PCDHGA3: variants seen among roughly 807,000 people sequenced by gnomAD.
PCDHGA3 encodes protocadherin gamma-A3.
PCDHGA3 carries 40 observed loss-of-function variants against 58.5 expected under a neutral mutation model. The observed-to-expected ratio is 0.68, with a 90% confidence interval of 0.53 to 0.89. The LOEUF is 0.89. Among genes scored for constraint, PCDHGA3 ranks in the 40% least tolerant of loss-of-function variants. The pLI is 0.00. For synonymous variants in PCDHGA3, 530 were observed against 525.7 expected, an observed-to-expected ratio of 1.01 and a Z score of -0.11; for missense variants, 1,223 against 1,195.9, an observed-to-expected ratio of 1.02 and a Z score of -0.33.
chr5:141,409,483 G>A, intron 1 of PCDHGA3: 1 of 1,613,944 alleles, frequency 6.2e-7, no homozygotes, highest in Non-Finnish European at 8.5e-7. Context: ...CCACTGACAG[G>A]GGCAAGCCGC....
chr5:141,376,210 C>T lies in PCDHGA3; in HGVS notation c.2424+29753C>T, dbSNP rs112869528. On this transcript the variant is annotated intron_variant, in intron 1 of 3. Transcript: ENST00000253812. ...CCTGCGTCTTCCTGGCCTTCGTCAT[C>T]GTGCTGCTGGCGCTCAGACTGCAGC... is the stretch of plus-strand genomic sequence containing the variant. 4,829 of 1,614,162 alleles carry T rather than the reference C, an allele frequency of 3.0e-3. 128 individuals carry two copies. The African/African-American group carries it at 0.055, about 18-fold the overall frequency.
chr5:141,432,476 A>G lies in PCDHGA3; in HGVS notation c.2425-62331A>G. 1 of 1,614,080 alleles carries G rather than the reference A, an allele frequency of 6.2e-7. No homozygotes were observed. Among genetic ancestry groups the G allele is most frequent in the East Asian group, 2.2e-5 (1 of 44,874 alleles). ...CCCCGCCCTCCCCACGGACGGTTCCACTGGCGTGGAGCTGGCTCCCCGCTC... is the reference window on the plus strand; with the variant it reads ...CCCCGCCCTCCCCACGGACGGTTCCGCTGGCGTGGAGCTGGCTCCCCGCTC... On this transcript the variant is annotated intron_variant, in intron 1 of 3. Transcript: ENST00000253812. The surrounding 1 kb of genome is among the most constrained non-coding windows in gnomAD (Gnocchi z 6.0).
intron 1 of PCDHGA3, chr5:141,404,823 G>A (rs1283913930): frequency 6.2e-7 from 1 of 1,610,946 alleles, no homozygotes. Flanking sequence ...CTGCACACAG[G>A]TGAAGTGCGC....
chr5:141,375,275 G>C, intron 1 of PCDHGA3: 3 of 1,613,902 alleles, frequency 1.9e-6, no homozygotes, highest in Non-Finnish European at 1.7e-6. Context: ...GGAAAAATCA[G>C]TTGGCAATTA....
At chr5:141,376,253 C>T (rs778244253) in intron 1 of PCDHGA3, 2 of 1,614,222 alleles carry the variant, frequency 1.2e-6, no homozygotes, top group East Asian at 4.5e-5. Flanking sequence ...CAAGTCACGC[C>T]TGCTGCAGGC....
chr5:141,431,609 G>A lies in PCDHGA3; in HGVS notation c.2425-63198G>A. The A allele has an allele frequency of 6.2e-7, 1 of 1,614,232 alleles. No homozygotes were observed. The highest frequency in any genetic ancestry group is 8.5e-7 in the Non-Finnish European group (1 of 1,180,046). On this transcript the variant is annotated intron_variant, in intron 1 of 3. Coordinates refer to ENST00000253812, the MANE Select transcript of PCDHGA3 (RefSeq NM_018916.4). The surrounding 1 kb of genome is among the most constrained non-coding windows in gnomAD (Gnocchi z 4.8). ...GGAAGTGAGGTATTCCTTCCGGTAT[G>A]TGGACGACAAGGCGGCCCAAGTTTT...
intron 1 of PCDHGA3, chr5:141,378,221 G>C (rs1378453601): frequency 6.6e-6 from 1 of 152,182 alleles, no homozygotes; most frequent in Non-Finnish European, 1.5e-5. Context: ...CTGTGTGCCT[G>C]ATAGTATTTA....
intron 1 of PCDHGA3, chr5:141,351,659 A>G: frequency 6.2e-7 from 1 of 1,614,004 alleles, no homozygotes; most frequent in Middle Eastern, 1.6e-4. Context: ...TGGCGCCTCC[A>G]TTGCACAAGT....
intron 1 of PCDHGA3, chr5:141,383,991 A>G: frequency 6.2e-7 from 1 of 1,613,866 alleles, no homozygotes; most frequent in Non-Finnish European, 8.5e-7. Context: ...CTCTTGGGAC[A>G]GTCATTGCTC....
At chr5:141,347,733 G>A (rs1347546007) in intron 1 of PCDHGA3, among the ~76,000 whole-genome samples, 1 of 150,882 alleles carries the variant, frequency 6.6e-6, no homozygotes, top group Non-Finnish European at 1.5e-5. Flanking sequence ...GTTGCAGAGA[G>A]CCAAAATTGG....
chr5:141,444,475 A>C (rs572738630), intron 1 of PCDHGA3, among the ~76,000 whole-genome samples: 2 of 152,110 alleles, frequency 1.3e-5, no homozygotes, highest in East Asian at 3.9e-4. Context: ...CCGGTCGCGT[A>C]CTGGATTTAT....
intron 1 of PCDHGA3, chr5:141,365,863 C>T (rs2149883393): frequency 8.1e-6 from 13 of 1,614,038 alleles, no homozygotes; most frequent in South Asian, 1.1e-5. Context: ...ACTCTGACAC[C>T]GGTGTCCTGT....
chr5:141,404,585 A>G (rs541341061), intron 1 of PCDHGA3: 2 of 1,614,006 alleles, frequency 1.2e-6, no homozygotes, highest in East Asian at 2.2e-5. Context: ...ACTTAGCAGC[A>G]ATGTGTCATT....
intron 1 of PCDHGA3, among the ~76,000 whole-genome samples, chr5:141,358,006 A>G (rs186822716): frequency 6.6e-5 from 10 of 152,300 alleles, no homozygotes; most frequent in African/African-American, 2.2e-4. Flanking sequence ...TCTGGGCAAC[A>G]TGGTGAAACC....
Position 141,485,227 on chromosome 5 carries a change from G to T in PCDHGA3, c.2425-9580G>T. Reference sequence around the variant, plus strand: ...AAATCTGGCGGTGGGCTACCCTTTTGTTCCTCTTTTACCACCTGGGTTACG... The same window carrying T: ...AAATCTGGCGGTGGGCTACCCTTTTTTTCCTCTTTTACCACCTGGGTTACG... On this transcript the variant is annotated intron_variant, in intron 1 of 3. Transcript: ENST00000253812. The surrounding 1 kb of genome is among the most constrained non-coding windows in gnomAD (Gnocchi z 5.7). The T allele has an allele frequency of 6.2e-7, 1 of 1,614,186 alleles. No individual in the cohort carries two copies. Among genetic ancestry groups the T allele is most frequent in the Non-Finnish European group, 8.5e-7 (1 of 1,180,020 alleles).
intron 1 of PCDHGA3, among the ~76,000 whole-genome samples, chr5:141,381,181 G>A (rs1777044636): frequency 6.6e-6 from 1 of 152,230 alleles, no homozygotes; most frequent in African/African-American, 2.4e-5. Flanking sequence ...ACAAAACGAA[G>A]TTAAGCTTTC....
intron 1 of PCDHGA3, chr5:141,375,733 G>C: frequency 6.2e-7 from 1 of 1,614,248 alleles, no homozygotes; most frequent in South Asian, 1.1e-5. Context: ...CACTGAGCCT[G>C]TTTGTGCTGG....
At chr5:141,371,631 G>A in intron 1 of PCDHGA3, 5 of 1,614,006 alleles carry the variant, frequency 3.1e-6, no homozygotes, top group Non-Finnish European at 3.4e-6. Flanking sequence ...CCTGGACCGG[G>A]AGCAGATCCC....
chr5:141,426,718 C>G, intron 1 of PCDHGA3: 1 of 446,166 alleles, frequency 2.2e-6, no homozygotes, highest in Non-Finnish European at 4.6e-6. Flanking sequence ...AATGAACTAG[C>G]AATTCCAGGC....
Sources: allele counts gnomAD v4.1 joint callset (sites outside exome capture counted in the v4.1 genomes callset), GRCh38; gene constraint gnomAD v4.1.1; non-coding constraint Gnocchi (gnomAD v3.1); transcripts MANE v1.5; gene names NCBI Gene and HGNC (gene_info 2026-07-23, HGNC 2026-07-21).